Variants in ELMO1 observed in about 807,000 individuals in gnomAD.
The protein encoded by ELMO1 is engulfment and cell motility protein 1.
In ELMO1, 26 loss-of-function variants were observed where a neutral mutation model predicts 98.9. The observed-to-expected ratio is 0.26, with a 90% CI of 0.19 to 0.36. The LOEUF is 0.36. Among genes scored for constraint, ELMO1 ranks in the 10% least tolerant of loss-of-function variants. The pLI is 1.00. For missense variants in ELMO1, 627 were observed against 935.2 expected (o/e 0.67, Z 4.30); for synonymous variants, 346 against 346.0 (o/e 1.00, Z 0.00).
intron 1 of ELMO1, among the ~76,000 whole-genome samples, chr7:37,395,093 C>T (rs754013422): frequency 1.3e-5 from 2 of 152,050 alleles, no homozygotes; most frequent in African/African-American, 2.4e-5. Flanking sequence ...AGGCTGGGTG[C>T]GGTGGCTCAT....
chr7:36,963,598 T>C (rs1789156699), intron 16 of ELMO1, among the ~76,000 whole-genome samples: 1 of 152,144 alleles, frequency 6.6e-6, no homozygotes, highest in Non-Finnish European at 1.5e-5. Flanking sequence ...CCTTTTAGGA[T>C]GCCTAGTTTC....
At chr7:37,119,631 A>G (rs191322093) in intron 14 of ELMO1, among the ~76,000 whole-genome samples, 5 of 152,320 alleles carry the variant, frequency 3.3e-5, no homozygotes, top group African/African-American at 2.4e-5. Flanking sequence ...TAATGAAACA[A>G]TCTTGAGAAA....
At chr7:37,305,214 G>A (rs1798548842) in intron 4 of ELMO1, among the ~76,000 whole-genome samples, 1 of 152,140 alleles carries the variant, frequency 6.6e-6, no homozygotes, top group South Asian at 2.1e-4. Flanking sequence ...TCTCAAAATT[G>A]AGCAGTAACA....
At chr7:37,296,961 C>A (rs1378818127) in intron 4 of ELMO1, among the ~76,000 whole-genome samples, 3 of 152,180 alleles carry the variant, frequency 2.0e-5, no homozygotes, top group Non-Finnish European at 4.4e-5. Context: ...GCCAAGGACA[C>A]AGGTGCAGCA....
chr7:36,902,219 C>T (rs1279229677), intron 16 of ELMO1, among the ~76,000 whole-genome samples: 1 of 152,234 alleles, frequency 6.6e-6, no homozygotes. Context: ...ATTTGAAACA[C>T]TTTATTCATT....
chr7:36,853,120 G>C lies in ELMO1; in HGVS notation c.*2431C>G, dbSNP rs374468745. Among the ~76,000 whole-genome samples, 69 of 152,238 alleles carry C rather than the reference G, an allele frequency of 4.5e-4. No individual in the cohort carries two copies. Among genetic ancestry groups the C allele is most frequent in the African/African-American group, 1.7e-3 (69 of 41,528 alleles). On this transcript the variant is annotated 3_prime_UTR_variant, in exon 22 of 22. Transcript: ENST00000310758. The stretch of plus-strand genomic sequence containing the variant: ...GGGCAGCCTGGAGAGAGAAGGTGAG[G>C]TGGCCAAATATGGGCAACAATCCTT...
chr7:37,446,565 G>C (rs1269215437), intron 1 of ELMO1, among the ~76,000 whole-genome samples: 2 of 152,176 alleles, frequency 1.3e-5, no homozygotes, highest in Non-Finnish European at 2.9e-5. Context: ...AGAGAACTCA[G>C]TGAAAAAGAA....
chr7:36,984,577 C>G (rs571364830), intron 16 of ELMO1, among the ~76,000 whole-genome samples: 1 of 152,314 alleles, frequency 6.6e-6, no homozygotes, highest in African/African-American at 2.4e-5. Flanking sequence ...TCTAGAGCCA[C>G]GTGAAGACCC....
At chr7:37,178,572 A>C (rs1306953755) in intron 13 of ELMO1, among the ~76,000 whole-genome samples, 1 of 152,046 alleles carries the variant, frequency 6.6e-6, no homozygotes, top group Non-Finnish European at 1.5e-5. Context: ...ACTGCACTCC[A>C]GCCTGGGCAA....
chr7:37,319,698 T>C (rs1799379938), intron 2 of ELMO1, among the ~76,000 whole-genome samples: 1 of 152,220 alleles, frequency 6.6e-6, no homozygotes, highest in Non-Finnish European at 1.5e-5. Context: ...TGTCCTTGTC[T>C]TCTCTTTCTT....
At chr7:37,053,285 A>AACACACACACACACAC (rs59573752) in intron 15 of ELMO1, among the ~76,000 whole-genome samples, 28 of 138,872 alleles carry the variant, frequency 2.0e-4, no homozygotes, top group African/African-American at 6.7e-4. Flanking sequence ...CATTTGTTAA[A>AACACACACACACACAC]ACACACACAC....
intron 20 of ELMO1, among the ~76,000 whole-genome samples, chr7:36,868,739 T>A (rs1803257574): frequency 1.3e-5 from 2 of 152,180 alleles, no homozygotes; most frequent in Non-Finnish European, 2.9e-5. Context: ...CTATTTTACA[T>A]AATTCCCTCT....
chr7:37,098,875 G>A (rs1562999656), intron 14 of ELMO1, among the ~76,000 whole-genome samples: 1 of 152,196 alleles, frequency 6.6e-6, no homozygotes, highest in South Asian at 2.1e-4. Flanking sequence ...AGAACATAAA[G>A]AGAAGACAGA....
Position 37,205,136 on chromosome 7 carries a change from C to T in ELMO1, c.1086+6250G>A, listed in dbSNP as rs145605618. ...CTTTCTCTTCCCCACTTATCACAGA[C>T]GGGACCCTCTGGGATTCTCCTCTCC... On this transcript the variant is annotated intron_variant, in intron 13 of 21. Coordinates refer to ENST00000310758, the MANE Select transcript of ELMO1 (RefSeq NM_014800.11). Among the ~76,000 whole-genome samples, 1,140 of 152,306 alleles carry T rather than the reference C, an allele frequency of 7.5e-3. 21 individuals are homozygous for T. Among genetic ancestry groups the T allele is most frequent in the African/African-American group, 0.026 (1,089 of 41,550 alleles).
chr7:37,053,357 T>C (rs1047027445), intron 15 of ELMO1, among the ~76,000 whole-genome samples: 1 of 151,090 alleles, frequency 6.6e-6, no homozygotes, highest in Non-Finnish European at 1.5e-5. Context: ...CAAAAGACTA[T>C]TGTCTGGTTT....
At chr7:37,131,978 T>C (rs939419816) in intron 14 of ELMO1, among the ~76,000 whole-genome samples, 5 of 152,142 alleles carry the variant, frequency 3.3e-5, no homozygotes, top group Non-Finnish European at 4.4e-5. Context: ...GACGGTCCCA[T>C]AGATTACAGA....
At chr7:37,210,588 TACAC>T (rs1158995459) in intron 13 of ELMO1, among the ~76,000 whole-genome samples, 11 of 151,436 alleles carry the variant, frequency 7.3e-5, no homozygotes, top group South Asian at 6.2e-4. Flanking sequence ...CTTATATATA[TACAC>T]ACACAGACAC....
chr7:36,972,433 T>A (rs1790051346), intron 16 of ELMO1, among the ~76,000 whole-genome samples: 1 of 152,230 alleles, frequency 6.6e-6, no homozygotes. Flanking sequence ...TATGGCACAC[T>A]GGGTGGTTTA....
chr7:36,864,750 A>T (rs1185425094), intron 20 of ELMO1, among the ~76,000 whole-genome samples: 3 of 152,188 alleles, frequency 2.0e-5, no homozygotes, highest in Non-Finnish European at 4.4e-5. Flanking sequence ...CACAACACTC[A>T]CTTAGACATC....
Sources: allele counts gnomAD v4.1 joint callset (sites outside exome capture counted in the v4.1 genomes callset), GRCh38; gene constraint gnomAD v4.1.1; transcripts MANE v1.5; gene names NCBI Gene and HGNC (gene_info 2026-07-23, HGNC 2026-07-21).